The following OBSL1 variants were observed in gnomAD, a reference collection of about 807,000 sequenced individuals.
The protein encoded by OBSL1 is obscurin-like protein 1.
Under a neutral mutation model 172.0 loss-of-function variants are expected in OBSL1, and 160 were observed. The ratio of observed to expected loss-of-function variants is 0.93; its 90% CI spans 0.82 to 1.06. The LOEUF (loss-of-function observed/expected upper bound fraction) is 1.06, where lower values mean the gene tolerates loss of function less well. Ranked by LOEUF, OBSL1 falls within the 50% of genes least tolerant of loss-of-function variation. The pLI is 0.00. For missense variants in OBSL1, 2,681 were observed against 2,715.4 expected (o/e 0.99, Z 0.28); for synonymous variants, 1,200 against 1,196.3 (o/e 1.00, Z -0.06).
intron 12 of OBSL1, 120 bp from the exon 13 acceptor site, chr2:219,556,843 A>G: frequency 8.9e-7 from 1 of 1,120,520 alleles, no homozygotes; most frequent in Non-Finnish European, 1.3e-6. Flanking sequence ...GTGAGGACCT[A>G]CTATGTATCG....
intron 6 of OBSL1, among the ~76,000 whole-genome samples, 159 bp from the exon 7 acceptor site, chr2:219,563,786 G>A (rs547969871): frequency 5.9e-5 from 9 of 152,294 alleles, no homozygotes; most frequent in Admixed American, 1.3e-4. Context: ...GGAATGCTGA[G>A]GGCATGGCAG....
chr2:219,549,991 G>A, downstream of OBSL1: 3 of 1,214,066 alleles, frequency 2.5e-6, no homozygotes, highest in South Asian at 4.5e-5. Flanking sequence ...CTAGAAGGGA[G>A]GATTGTCTCA....
rs372405999 is a variant in OBSL1, at chr2:219,568,182, C to T, written c.1155G>A (p.Lys385=). ...CAGTGCCCTCTTCGATCTGCTCGTA[C>T]TTGCGGCAGGGCAGCAGCCGCTGGT... ...REDQRLLPCR[K]YEQIEEGTVR... The change falls in exon 2 of 21, where the codon AAG becomes AAA. Residue 385 remains lysine (K), a synonymous_variant. Transcript: ENST00000404537. This position sits in a 1 kb window ranked among gnomAD's most constrained non-coding sequence, Gnocchi z 4.1. The T allele has an allele frequency of 1.2e-5, 19 of 1,613,624 alleles. No homozygotes were observed. The highest frequency in any genetic ancestry group is 1.4e-5 in the Non-Finnish European group (16 of 1,179,902).
chr2:219,559,599 TA>T, intron 8 of OBSL1, 102 bp from the exon 9 acceptor site: 1 of 1,039,472 alleles, frequency 9.6e-7, no homozygotes, highest in Non-Finnish European at 1.4e-6. Context: ...ATAATGAGAA[TA>T]ATAAGTAAAA....
Position 219,570,858 on chromosome 2 carries a change from C to A in OBSL1, c.375G>T (p.Glu125Asp). The stretch of plus-strand genomic sequence containing the variant: ...GCCCCGTGAGGAAGACCGGGGCGCC[C>A]TCCCCGGACCCCGGCGATGGCAGCG... Reference protein sequence around the residue: ...ERPLPSPGSGEGAPVFLTGPR... With the variant: ...ERPLPSPGSGDGAPVFLTGPR... Residue 125 changes from glutamate to aspartate, a missense_variant, in exon 1 of 21, where the codon GAG (glutamate) becomes GAT (aspartate). Glu to Asp is a conservative substitution (Grantham distance 45). Around this residue, in one of 5 missense-constraint regions of OBSL1, gnomAD observed 706 missense variants for 695.8 expected, o/e 1.01. Coordinates refer to ENST00000404537, the MANE Select transcript of OBSL1 (RefSeq NM_015311.3). 7.1e-7 allele frequency: 1 copy of A among 1,413,566 alleles called. No homozygotes were observed. The highest frequency in any genetic ancestry group is 9.2e-7 in the Non-Finnish European group (1 of 1,085,168). The allele number at this position is 1,413,566 out of a possible 1,614,324, so 87.6% of individuals were successfully genotyped here.
Position 219,556,441 on chromosome 2 carries a change from A to C in OBSL1, c.4336+13T>G. The C allele has an allele frequency of 6.2e-7, 1 of 1,613,726 alleles. No homozygotes were observed. Among genetic ancestry groups the C allele is most frequent in the Non-Finnish European group, 8.5e-7 (1 of 1,179,838 alleles). The stretch of plus-strand genomic sequence containing the variant: ...ACGGGACACAGAGTATCTCATCCTC[A>C]TCAGGACCTAACCTCGAACATGGAG... On this transcript the variant is annotated intron_variant, in intron 13 of 20. Transcript: ENST00000404537.
Position 219,550,813 on chromosome 2 carries a change from C to T in OBSL1, c.*22G>A, listed in dbSNP as rs775143554. The T allele has an allele frequency of 1.8e-5, 29 of 1,610,268 alleles. No individual in the cohort carries two copies. Among genetic ancestry groups the T allele is most frequent in the Admixed American group, 3.4e-5 (2 of 59,414 alleles). Reference sequence around the variant, plus strand: ...GCCTTCCAAGCTGTCCAAGGGCACCCGCCTGGCCTGGTTAGGTTCTCCTAG... The same window carrying T: ...GCCTTCCAAGCTGTCCAAGGGCACCTGCCTGGCCTGGTTAGGTTCTCCTAG... On this transcript the variant is annotated 3_prime_UTR_variant, in exon 21 of 21. Transcript: ENST00000404537.
At chr2:219,562,304 C>T (rs1190834920) in intron 8 of OBSL1, 98 bp downstream of exon 8, 8 of 1,455,904 alleles carry the variant, frequency 5.5e-6, no homozygotes, top group Non-Finnish European at 7.5e-6. Context: ...CAGCCCACAC[C>T]TCCCTCCTCC....
At chr2:219,551,181 G>A in intron 20 of OBSL1, 1 of 1,388,332 alleles carries the variant, frequency 7.2e-7, no homozygotes, top group Non-Finnish European at 9.3e-7. Flanking sequence ...AGGAGGGACA[G>A]GCTGGAGGAA....
rs1357380987 is a variant in OBSL1 at position 219,556,466 on chromosome 2, GC to G, written c.4323del (p.Leu1442SerfsTer94). On this transcript the variant is annotated frameshift_variant, in exon 13 of 21. Transcript: ENST00000404537. LOFTEE classifies it high-confidence loss of function. ...LRAGSTATSA[R>X]LHVRETELLF... ...ATCAGGACCTAACCTCGAACATGGAGCCGGGCACTTGTGGCCGTGCTCCCTG... is the reference window on the plus strand; with the variant it reads ...ATCAGGACCTAACCTCGAACATGGAGCGGGCACTTGTGGCCGTGCTCCCTG... 1 of 1,613,822 alleles carries G rather than the reference GC, an allele frequency of 6.2e-7. No individual in the cohort carries two copies. Among genetic ancestry groups the G allele is most frequent in the Non-Finnish European group, 8.5e-7 (1 of 1,179,890 alleles).
chr2:219,551,016 G>A, intron 20 of OBSL1, 174 bp from the exon 21 acceptor site: 2 of 1,481,550 alleles, frequency 1.3e-6, no homozygotes, highest in Non-Finnish European at 1.8e-6. Context: ...GTCAGCTAGG[G>A]GTGGGGCACA....
At chr2:219,553,805 C>G (rs1028830230) in intron 15 of OBSL1, 119 bp from the exon 16 acceptor site, 14 of 296,212 alleles carry the variant, frequency 4.7e-5, no homozygotes, top group Admixed American at 1.2e-4. Context: ...GAGTGGGGTT[C>G]GAGCTGGGAC....
rs149346229 is a variant in OBSL1, at chr2:219,559,560, G to A, written c.2954-63C>T. The A allele has an allele frequency of 7.1e-5, 108 of 1,518,014 alleles. No individual in the cohort carries two copies. In the African/African-American group the frequency reaches 8.9e-4, roughly 13 times the overall value. 94.0% of individuals were successfully genotyped at this position (1,518,014 alleles called of 1,614,324 possible). A position where few individuals can be genotyped will look rare whatever the true frequency, so the allele number is the denominator to read the frequency against. On this transcript the variant is annotated intron_variant, in intron 8 of 20. Coordinates refer to ENST00000404537, the MANE Select transcript of OBSL1 (RefSeq NM_015311.3). ...ACCGTCAGCCTCTCTGGAGCCATTCGGCAGCATGAAGTCCCTATCACCCAC... is the reference window on the plus strand; with the variant it reads ...ACCGTCAGCCTCTCTGGAGCCATTCAGCAGCATGAAGTCCCTATCACCCAC...
Position 219,551,635 on chromosome 2 carries a change from G to T in OBSL1, c.5577C>A (p.His1859Gln). The T allele has an allele frequency of 6.2e-7, 1 of 1,611,632 alleles. No individual in the cohort carries two copies. The highest frequency in any genetic ancestry group is 8.5e-7 in the Non-Finnish European group (1 of 1,179,116). Residue 1859 changes from histidine to glutamine, a missense_variant, in exon 20 of 21, where the codon CAC becomes CAA. His to Gln is a conservative substitution (Grantham distance 24). Coordinates refer to ENST00000404537, the MANE Select transcript of OBSL1 (RefSeq NM_015311.3). ...CPGDKYEMRS[H>Q]GPTHSLVIHD... ...GGATGACCAGGCTGTGGGTGGGGCC[G>T]TGGCTGCGCATCTCATACTTATCTC...
At chr2:219,558,522 G>T in intron 9 of OBSL1, 63 bp from the exon 10 acceptor site, 3 of 1,476,672 alleles carry the variant, frequency 2.0e-6, no homozygotes, top group Non-Finnish European at 2.7e-6. Flanking sequence ...TGCCTCACCC[G>T]CCAGATCCTC....
Position 219,570,756 on chromosome 2 carries a change from C to T in OBSL1, c.477G>A (p.Leu159=). The change falls in exon 1 of 21, where the codon CTG becomes CTA. Residue 159 remains leucine (L), a synonymous_variant. Transcript: ENST00000404537. ...GGGCCATCCCGTCCTTCTCCCAGTA[C>T]AGTGTGGGCTCGGGGAGGCCCCCCG... ...CRAGGLPEPT[L]YWEKDGMALD... 6.7e-7 allele frequency: 1 copy of T among 1,499,858 alleles called. No homozygotes were observed. Among genetic ancestry groups the T allele is most frequent in the South Asian group, 1.3e-5 (1 of 79,962 alleles). The allele number at this position is 1,499,858 out of a possible 1,614,324, so 92.9% of individuals were successfully genotyped here.
At chr2:219,553,948 G>T (rs1174528887) in intron 15 of OBSL1, among the ~76,000 whole-genome samples, 1 of 151,852 alleles carries the variant, frequency 6.6e-6, no homozygotes, top group African/African-American at 2.4e-5. Context: ...GAAGCTGGGG[G>T]CCAGAGGGCA....
chr2:219,551,030 C>T lies in OBSL1; in HGVS notation c.5684-188G>A, dbSNP rs6745782. 0.98 allele frequency: 1,432,546 copies of T among 1,458,824 alleles called. 705,076 individuals carry two copies. The highest frequency in any genetic ancestry group is 1 in the East Asian group (39,928 of 39,930). The allele number at this position is 1,458,824 out of a possible 1,614,324, so 90.4% of individuals were successfully genotyped here. ...GGTCAGCTAGGGGTGGGGCACAGCG[C>T]GGCACCTGAAGGGAATGCTGGGATT... On this transcript the variant is annotated intron_variant, in intron 20 of 20. Coordinates refer to ENST00000404537, the MANE Select transcript of OBSL1 (RefSeq NM_015311.3).
chr2:219,552,345 G>T, intron 18 of OBSL1, 129 bp from the exon 19 acceptor site: 2 of 959,202 alleles, frequency 2.1e-6, no homozygotes, highest in South Asian at 1.6e-5. Context: ...GGCGGAACAG[G>T]GATGCGGAGC....
Sources: gnomAD v4.1 joint callset for allele counts (sites outside exome capture counted in the v4.1 genomes callset) on GRCh38, gnomAD v4.1.1 for gene constraint, gnomAD v4.1.1 regional missense constraint, Gnocchi (gnomAD v3.1) non-coding constraint, MANE v1.5 for transcripts, NCBI Gene and HGNC (gene_info 2026-07-23, HGNC 2026-07-21) for gene names.